Variants in SAXO1 observed in about 807,000 individuals in gnomAD.
The protein encoded by SAXO1 is stabilizer of axonemal microtubules 1.
In SAXO1, 21 loss-of-function variants were observed where a neutral mutation model predicts 17.5. The observed-to-expected ratio is 1.20, with a 90% CI of 0.85 to 1.72. SAXO1 has a LOEUF of 1.72. Among genes scored for constraint, SAXO1 ranks in the 40% most tolerant of loss-of-function variants. The pLI is 0.00. For missense variants in SAXO1, 843 were observed against 596.0 expected (o/e 1.41, Z -4.32); for synonymous variants, 274 against 216.5 (o/e 1.27, Z -2.33).
rs147225928 is a variant in SAXO1, at chr9:18,928,873, C to A, written c.604G>T (p.Glu202Ter). Residue 202 changes from glutamate (E) to a stop codon, truncating the protein, a stop_gained, in exon 4 of 4, where the codon GAG becomes TAG. Coordinates refer to ENST00000380534, the MANE Select transcript of SAXO1 (RefSeq NM_153707.4). LOFTEE classifies it low-confidence loss of function (END_TRUNC). ...AMPKLCNIPL[E>*]DVTNYKMSYV... ...CTCATCTTGTAGTTAGTCACATCCT[C>A]CAAGGGGATGTTACAGAGCTTTGGC... 1.2e-6 allele frequency: 2 copies of A among 1,614,148 alleles called. No homozygotes were observed. The highest frequency in any genetic ancestry group is 1.7e-6 in the Non-Finnish European group (2 of 1,180,032).
chr9:18,960,514 A>G (rs1832440939), intron 1 of SAXO1, among the ~76,000 whole-genome samples: 1 of 152,162 alleles, frequency 6.6e-6, no homozygotes, highest in Admixed American at 6.5e-5. Context: ...TTCCCCACAC[A>G]TGCCTGTAAT....
intron 2 of SAXO1, among the ~76,000 whole-genome samples, chr9:18,944,982 C>T (rs1036231460): frequency 2.0e-5 from 3 of 152,182 alleles, no homozygotes; most frequent in Admixed American, 2.0e-4. Context: ...ACCTCTCTCA[C>T]CCCTGCCCTC....
chr9:18,962,399 A>G (rs182986753), intron 1 of SAXO1, among the ~76,000 whole-genome samples: 11 of 152,286 alleles, frequency 7.2e-5, no homozygotes, highest in Admixed American at 2.6e-4. Context: ...TCTAATGACC[A>G]GTGATGAGCT....
intron 1 of SAXO1, among the ~76,000 whole-genome samples, chr9:19,001,808 C>T (rs1475431623): frequency 2.6e-5 from 4 of 151,908 alleles, no homozygotes; most frequent in East Asian, 3.9e-4. Context: ...GATCTAAAAT[C>T]GGCACCCTAA....
chr9:18,962,004 T>G (rs767435640), intron 1 of SAXO1, among the ~76,000 whole-genome samples: 1 of 152,212 alleles, frequency 6.6e-6, no homozygotes, highest in East Asian at 1.9e-4. Context: ...TCCTGACTTT[T>G]TAGTGATCAC....
At chr9:18,964,401 T>C (rs565683701) in intron 1 of SAXO1, among the ~76,000 whole-genome samples, 1 of 152,188 alleles carries the variant, frequency 6.6e-6, no homozygotes, top group Non-Finnish European at 1.5e-5. Flanking sequence ...TATCTTGACC[T>C]GGGCATTTTT....
intron 1 of SAXO1, among the ~76,000 whole-genome samples, chr9:19,045,442 A>G (rs1210512445): frequency 4.4e-5 from 2 of 45,458 alleles, no homozygotes; most frequent in East Asian, 5.8e-4. Flanking sequence ...TTCCCTGCAA[A>G]GATGCAAAGA....
Position 19,021,461 on chromosome 9 carries a change from G to A in SAXO1, c.38+11410C>T, listed in dbSNP as rs112156651. Among the ~76,000 whole-genome samples, 144 of 152,286 alleles carry A rather than the reference G, an allele frequency of 9.5e-4. 1 individual carries two copies. The highest frequency in any genetic ancestry group is 3.3e-3 in the African/African-American group (138 of 41,566). The stretch of plus-strand genomic sequence containing the variant: ...CCCCTTTTCCCTGACTTCTCTTGAG[G>A]TCGCCAGCAGAGGCTGTAGAAGACC... On this transcript the variant is annotated intron_variant, in intron 1 of 3. Transcript: ENST00000380534.
At chr9:19,028,226 A>C in intron 1 of SAXO1, 22 of 910,302 alleles carry the variant, frequency 2.4e-5, no homozygotes, top group Non-Finnish European at 2.8e-5. Flanking sequence ...AAATACAAAA[A>C]TTAGCCGGCC....
chr9:18,990,008 T>G (rs1168053488), intron 1 of SAXO1, among the ~76,000 whole-genome samples: 2 of 152,204 alleles, frequency 1.3e-5, no homozygotes, highest in African/African-American at 4.8e-5. Flanking sequence ...AACTGCCTCT[T>G]GGCAGGTATT....
intron 1 of SAXO1, among the ~76,000 whole-genome samples, chr9:19,000,709 AAT>A (rs200071008): frequency 5.9e-5 from 9 of 152,064 alleles, no homozygotes; most frequent in African/African-American, 2.2e-4. Context: ...TAATTAAAAA[AAT>A]AAAAATAAAA....
At chr9:19,014,459 T>TCAAAAAAA (rs1834884240) in intron 1 of SAXO1, among the ~76,000 whole-genome samples, 1 of 29,616 alleles carries the variant, frequency 3.4e-5, no homozygotes. Flanking sequence ...AAACTGTGTC[T>TCAAAAAAA]CAAAAAAAAA....
At chr9:18,989,816 G>C (rs1258285347) in intron 1 of SAXO1, among the ~76,000 whole-genome samples, 3 of 152,192 alleles carry the variant, frequency 2.0e-5, no homozygotes, top group African/African-American at 4.8e-5. Context: ...ATGATAAGCT[G>C]TTTACCTGTC....
chr9:19,037,703 A>C (rs1213979711), upstream of SAXO1, among the ~76,000 whole-genome samples: 1 of 152,164 alleles, frequency 6.6e-6, no homozygotes, highest in Non-Finnish European at 1.5e-5. Flanking sequence ...ATGAAAATTG[A>C]CTAATACACC....
Position 18,928,425 on chromosome 9 carries a change from C to T in SAXO1, c.1052G>A (p.Arg351His), listed in dbSNP as rs142952841. ...KDDYKQWSSM[R>H]TEPVKPVPQL... ...GGGAACGGGCTTGACTGGCTCTGTG[C>T]GCATGCTGGACCACTGCTTGTAGTC... The change falls in exon 4 of 4, where the codon CGC becomes CAC. Residue 351 changes from arginine (R) to histidine (H), a missense_variant. Physicochemically the swap from Arg to His is conservative, Grantham distance 29. Coordinates refer to ENST00000380534, the MANE Select transcript of SAXO1 (RefSeq NM_153707.4). 380 of 1,607,794 alleles carry T rather than the reference C, an allele frequency of 2.4e-4. 1 individual carries two copies. The highest frequency in any genetic ancestry group is 5.7e-4 in the African/African-American group (43 of 74,822).
Position 18,951,937 on chromosome 9 carries a change from G to T in SAXO1, c.39-1000C>A, listed in dbSNP as rs117605279. Among the ~76,000 whole-genome samples the T allele has an allele frequency of 4.5e-4, 69 of 152,322 alleles. No homozygotes were observed. In the East Asian group the frequency reaches 6.9e-3, roughly 15 times the overall value. The stretch of plus-strand genomic sequence containing the variant: ...ATATTTATTGAATGAAAGACTGAGT[G>T]TATACGTGAATAATTAAATAAACTT... On this transcript the variant is annotated intron_variant, in intron 1 of 3. Coordinates refer to ENST00000380534, the MANE Select transcript of SAXO1 (RefSeq NM_153707.4).
chr9:18,995,066 A>C (rs1044405106), intron 1 of SAXO1, among the ~76,000 whole-genome samples: 1 of 152,194 alleles, frequency 6.6e-6, no homozygotes, highest in Non-Finnish European at 1.5e-5. Flanking sequence ...AAAATGTCAC[A>C]CTTCTACTAC....
intron 1 of SAXO1, among the ~76,000 whole-genome samples, chr9:18,955,153 G>C (rs1163635570): frequency 1.3e-5 from 2 of 152,164 alleles, no homozygotes; most frequent in Non-Finnish European, 2.9e-5. Context: ...CTATGATCTT[G>C]TCTGGGAATA....
intron 1 of SAXO1, among the ~76,000 whole-genome samples, chr9:18,998,106 G>C (rs977594303): frequency 2.3e-4 from 35 of 152,128 alleles, no homozygotes; most frequent in African/African-American, 8.2e-4. Flanking sequence ...ACTGGATGGA[G>C]AATGACTTTG....
Sources: gnomAD v4.1 joint callset for allele counts (sites outside exome capture counted in the v4.1 genomes callset) on GRCh38, gnomAD v4.1.1 for gene constraint, MANE v1.5 for transcripts, NCBI Gene and HGNC (gene_info 2026-07-23, HGNC 2026-07-21) for gene names.